ASB11: variants seen among roughly 807,000 people sequenced by gnomAD.
ASB11 encodes the protein ankyrin repeat and SOCS box containing 11.
ASB11 carries 17 observed loss-of-function variants against 20.1 expected under a neutral mutation model. The observed-to-expected ratio is 0.85, with a 90% CI of 0.58 to 1.27. The LOEUF (loss-of-function observed/expected upper bound fraction) is 1.27, where lower values mean the gene tolerates loss of function less well. ASB11 is among the 50% of genes most tolerant of loss of function. The pLI, the probability that ASB11 is intolerant of heterozygous loss-of-function variation, is 0.00. For missense variants in ASB11, 259 were observed against 256.9 expected (o/e 1.01, Z -0.06); for synonymous variants, 107 against 105.6 (o/e 1.01, Z -0.08).
In ASB11 at chrX:15,310,856, G is replaced by A. The variant is rs752998436; in HGVS notation, c.181+4569C>T. ...TACAAAAATTAGCCAGTGTGGTGGC[G>A]GGCGCCTGTACTCCCAGCTACTCAG... On this transcript the variant is annotated intron_variant, in intron 1 of 6. Coordinates refer to ENST00000480796, the MANE Select transcript of ASB11 (RefSeq NM_080873.3). 5.4e-5 allele frequency among the ~76,000 whole-genome samples: 6 copies of A among 111,134 alleles called. No individual in the cohort carries two copies. The South Asian group carries it at 1.1e-3, about 21-fold the overall frequency.
chrX:15,310,207 G>C (rs1336720415), intron 1 of ASB11, among the ~76,000 whole-genome samples: 1 of 110,445 alleles, frequency 9.1e-6, no homozygotes, highest in Non-Finnish European at 1.9e-5. Flanking sequence ...GCAAACTGGA[G>C]CTAATTGTGA....
intron 2 of ASB11, among the ~76,000 whole-genome samples, chrX:15,299,870 C>T (rs1281989553): frequency 9.0e-6 from 1 of 111,414 alleles, no homozygotes; most frequent in African/African-American, 3.3e-5. Context: ...CCCTGAACCC[C>T]GAACTCCTAC....
At chrX:15,286,956 G>A (rs1927404880) in intron 6 of ASB11, among the ~76,000 whole-genome samples, 1 of 111,701 alleles carries the variant, frequency 9.0e-6, no homozygotes, top group Non-Finnish European at 1.9e-5. Flanking sequence ...TATAGGCTCC[G>A]AAAATATTTT....
At chrX:15,305,494 T>A (rs745384395) in intron 1 of ASB11, among the ~76,000 whole-genome samples, 1 of 111,200 alleles carries the variant, frequency 9.0e-6, no homozygotes, top group East Asian at 2.8e-4. Flanking sequence ...TAAACATGAA[T>A]GGAGTCTCTG....
intron 1 of ASB11, among the ~76,000 whole-genome samples, chrX:15,312,865 G>A: frequency 9.0e-6 from 1 of 111,511 alleles, no homozygotes; most frequent in Non-Finnish European, 1.9e-5. Context: ...GATAATTTAG[G>A]AATTAGAGAG....
Position 15,289,587 on chromosome X carries a change from T to A in ASB11, c.572A>T (p.His191Leu), listed in dbSNP as rs1354639721. Residue 191 changes from histidine (H) to leucine (L), a missense_variant, in exon 5 of 7, where the codon CAT becomes CTT. By Grantham distance (99) the His-to-Leu change is moderately conservative. Transcript: ENST00000480796. ...GGGAGTTCCGAGCTGAGGCACCTCA[T>A]GGTCAATGTTAACATTATTTGCCAG... is the stretch of plus-strand genomic sequence containing the variant. ...ILLANNVNID[H>L]EVPQLGTPLY... 1 of 1,210,032 alleles carries A rather than the reference T, an allele frequency of 8.3e-7. No individual in the cohort carries two copies. The highest frequency in any genetic ancestry group is 1.8e-5 in the South Asian group (1 of 56,936).
At chrX:15,303,230 A>C (rs1056617395) in intron 1 of ASB11, among the ~76,000 whole-genome samples, 3 of 111,285 alleles carry the variant, frequency 2.7e-5, no homozygotes, top group African/African-American at 9.8e-5. Context: ...TGTATTATGA[A>C]GGAGACTCTA....
intron 6 of ASB11, among the ~76,000 whole-genome samples, chrX:15,284,659 A>G (rs753992167): frequency 8.9e-6 from 1 of 111,897 alleles, no homozygotes; most frequent in South Asian, 3.8e-4. Context: ...CATCATGCCC[A>G]TGGCTTTGAA....
intron 6 of ASB11, among the ~76,000 whole-genome samples, chrX:15,284,095 A>G (rs780440644): frequency 2.8e-5 from 3 of 106,481 alleles, no homozygotes; most frequent in East Asian, 6.0e-4. Context: ...CACTAAAAAT[A>G]CAAAAAATTA....
Position 15,290,714 on chromosome X carries a change from C to A in ASB11, c.521-1076G>T, listed in dbSNP as rs377554724. ...ATCATGTCATTACTAATTAATTTAGCCAACCTATTTTTTGTAGATAACATA... is the reference window on the plus strand; with the variant it reads ...ATCATGTCATTACTAATTAATTTAGACAACCTATTTTTTGTAGATAACATA... On this transcript the variant is annotated intron_variant, in intron 4 of 6. Transcript: ENST00000480796. 4.5e-5 allele frequency among the ~76,000 whole-genome samples: 5 copies of A among 112,082 alleles called. No individual in the cohort carries two copies. The East Asian group carries it at 1.1e-3, about 25-fold the overall frequency.
chrX:15,284,032 C>T (rs1228398831), intron 6 of ASB11, among the ~76,000 whole-genome samples: 1 of 108,836 alleles, frequency 9.2e-6, no homozygotes, highest in Non-Finnish European at 1.9e-5. Flanking sequence ...GTGGGCGGAT[C>T]ACGAGGTCAG....
chrX:15,302,639 G>A (rs1455813389), intron 2 of ASB11, 89 bp downstream of exon 2: 2 of 947,934 alleles, frequency 2.1e-6, no homozygotes, highest in Non-Finnish European at 3.0e-6. Flanking sequence ...TGGATAGGGT[G>A]AGCCACACCT....
chrX:15,286,075 C>T lies in ASB11; in HGVS notation c.847+1806G>A, dbSNP rs186363237. On this transcript the variant is annotated intron_variant, in intron 6 of 6. Transcript: ENST00000480796. ...GGTACGCAAAGTGTGGTCCTCAGAC[C>T]AGCACCATCAACATCACGTGGGAGC... Among the ~76,000 whole-genome samples, 3 of 110,697 alleles carry T rather than the reference C, an allele frequency of 2.7e-5. No homozygotes were observed. The Admixed American group carries it at 2.9e-4, about 11-fold the overall frequency.
chrX:15,285,927 C>G (rs767520795), intron 6 of ASB11, among the ~76,000 whole-genome samples: 2 of 110,933 alleles, frequency 1.8e-5, no homozygotes, highest in Non-Finnish European at 3.8e-5. Context: ...ATTGCTTGAA[C>G]CCGGGAGGCG....
chrX:15,314,057 CAAAAAA>C lies in ASB11; in HGVS notation c.181+1362_181+1367del, dbSNP rs760402919. ...TAGGCTACAGAGCGAGACTCCATCT[CAAAAAA>C]AAAAAAAAAAAAAAAGAGTGCACTT... On this transcript the variant is annotated intron_variant, in intron 1 of 6. Coordinates refer to ENST00000480796, the MANE Select transcript of ASB11 (RefSeq NM_080873.3). Among the ~76,000 whole-genome samples, 250 of 34,181 alleles carry C rather than the reference CAAAAAA, an allele frequency of 7.3e-3. 1 individual carries two copies. In the South Asian group the frequency reaches 0.082, roughly 11 times the overall value. 29.7% of individuals were successfully genotyped at this position (34,181 alleles called of 115,157 possible). A position where few individuals can be genotyped will look rare whatever the true frequency, so the allele number is the denominator to read the frequency against.
chrX:15,312,311 T>TAA (rs1373459695), intron 1 of ASB11, among the ~76,000 whole-genome samples: 12 of 104,491 alleles, frequency 1.1e-4, no homozygotes, highest in African/African-American at 4.3e-4. Flanking sequence ...AACCATGGCT[T>TAA]AATTCAACTA....
intron 2 of ASB11, among the ~76,000 whole-genome samples, chrX:15,299,622 G>A (rs762245541): frequency 9.0e-6 from 1 of 111,380 alleles, no homozygotes; most frequent in Non-Finnish European, 1.9e-5. Context: ...AGGGTATAAT[G>A]AGGCATGTTC....
At chrX:15,302,383 T>A (rs1319042782) in intron 2 of ASB11, among the ~76,000 whole-genome samples, 1 of 112,460 alleles carries the variant, frequency 8.9e-6, no homozygotes, top group Non-Finnish European at 1.9e-5. Flanking sequence ...GCTGACTAAC[T>A]TAGCTTCAGG....
intron 6 of ASB11, among the ~76,000 whole-genome samples, chrX:15,285,934 G>A (rs1462917315): frequency 1.8e-5 from 2 of 110,923 alleles, no homozygotes; most frequent in Non-Finnish European, 3.8e-5. Flanking sequence ...GAACCCGGGA[G>A]GCGGAGGTTG....
Sources: gnomAD v4.1 joint callset for allele counts (sites outside exome capture counted in the v4.1 genomes callset) on GRCh38, gnomAD v4.1.1 for gene constraint, MANE v1.5 for transcripts, NCBI Gene and HGNC (gene_info 2026-07-23, HGNC 2026-07-21) for gene names.